The following MARS2 variants were observed in gnomAD, a reference collection of about 807,000 sequenced individuals.
The protein encoded by MARS2 is methionyl-tRNA synthetase 2, mitochondrial, also known as methionine--tRNA ligase, mitochondrial.
In MARS2, 33 loss-of-function variants were observed where a neutral mutation model predicts 43.8. The ratio of observed to expected loss-of-function variants is 0.75; its 90% CI spans 0.57 to 1.01. The LOEUF (loss-of-function observed/expected upper bound fraction) is 1.01, where lower values mean the gene tolerates loss of function less well. Among genes scored for constraint, MARS2 ranks in the 50% least tolerant of loss-of-function variants. The probability of loss-of-function intolerance (pLI) is 0.00; values close to 1 mark genes in which losing one functional copy is unlikely to be tolerated. For missense variants in MARS2, 720 were observed against 763.0 expected (o/e 0.94, Z 0.66); for synonymous variants, 351 against 325.5 (o/e 1.08, Z -0.84).
Position 197,706,072 on chromosome 2 carries a change from C to A in MARS2, c.667C>A (p.Gln223Lys). ...GCTTTCCCAGTTCCGGAAGCCACTC[C>A]AGCGGTGGCTGCGGGGCAACCCTCA... ...FRLSQFRKPL[Q>K]RWLRGNPQAI... Residue 223 changes from glutamine (Q) to lysine (K), a missense_variant, in exon 1 of 1, where the codon CAG becomes AAG. By Grantham distance (53) the Gln-to-Lys change is moderately conservative. Transcript: ENST00000282276. 6.2e-7 allele frequency: 1 copy of A among 1,614,172 alleles called. No homozygotes were observed. Among genetic ancestry groups the A allele is most frequent in the South Asian group, 1.1e-5 (1 of 91,086 alleles).
Position 197,707,021 on chromosome 2 carries a change from T to C in MARS2, c.1616T>C (p.Leu539Pro), listed in dbSNP as rs763110862. The C allele has an allele frequency of 1.9e-6, 3 of 1,614,174 alleles. No homozygotes were observed. In the Admixed American group the frequency reaches 5.0e-5, roughly 27 times the overall value. Reference protein sequence around the residue: ...PSLADKLLSRLGVSASERSLG... With the variant: ...PSLADKLLSRPGVSASERSLG... Reference sequence around the variant, plus strand: ...CTAGCTGACAAGCTGCTGTCTAGGCTGGGGGTCTCTGCCTCAGAGAGGAGT... The same window carrying C: ...CTAGCTGACAAGCTGCTGTCTAGGCCGGGGGTCTCTGCCTCAGAGAGGAGT... The change falls in exon 1 of 1, where the codon CTG becomes CCG. Residue 539 changes from leucine (L) to proline (P), a missense_variant. Physicochemically the swap from Leu to Pro is moderately conservative, Grantham distance 98. Transcript: ENST00000282276.
rs777718990 is a variant in MARS2 at position 197,705,852 on chromosome 2, C to T, written c.447C>T (p.His149=). ...CCCGGCACCGGGTGGCTGTGCAGCACTTCTGGGGGGTGCTTAAGTCCCGCG... is the reference window on the plus strand; with the variant it reads ...CCCGGCACCGGGTGGCTGTGCAGCATTTCTGGGGGGTGCTTAAGTCCCGCG... ...TEARHRVAVQ[H]FWGVLKSRGL... The change falls in exon 1 of 1, where the codon CAC becomes CAT. Residue 149 remains histidine (H), a synonymous_variant. Transcript: ENST00000282276. 4.3e-6 allele frequency: 7 copies of T among 1,614,008 alleles called. No individual in the cohort carries two copies. The highest frequency in any genetic ancestry group is 5.9e-6 in the Non-Finnish European group (7 of 1,180,046).
rs1440563643 is a variant in MARS2, at chr2:197,706,841, G to A, written c.1436G>A (p.Cys479Tyr). ...IYKALEAVSS[C>Y]VRQTNGFVQR... ...AAGGCTCTGGAGGCCGTGTCCAGCT[G>A]TGTCCGGCAAACTAATGGTTTTGTC... Residue 479 changes from cysteine to tyrosine, a missense_variant, in exon 1 of 1, where the codon TGT becomes TAT. Transcript: ENST00000282276. 6.2e-7 allele frequency: 1 copy of A among 1,614,182 alleles called. No individual in the cohort carries two copies.
At position 197,705,980 on chromosome 2, in the gene MARS2, C is replaced by T. The variant is rs2089471696; in HGVS notation, c.575C>T (p.Ser192Leu). 6.2e-7 allele frequency: 1 copy of T among 1,614,200 alleles called. No individual in the cohort carries two copies. Among genetic ancestry groups the T allele is most frequent in the Non-Finnish European group, 8.5e-7 (1 of 1,180,040 alleles). The change falls in exon 1 of 1, where the codon TCG (serine) becomes TTG (leucine). Residue 192 changes from serine to leucine, a missense_variant. By Grantham distance (145) the Ser-to-Leu change is moderately radical. Coordinates refer to ENST00000282276, the MANE Select transcript of MARS2 (RefSeq NM_138395.4). ...VTQQPGPSGD[S>L]FPVSLESGHP... Reference sequence around the variant, plus strand: ...CAGCAGCCGGGCCCATCGGGGGATTCGTTTCCTGTATCTCTCGAGAGCGGG... The same window carrying T: ...CAGCAGCCGGGCCCATCGGGGGATTTGTTTCCTGTATCTCTCGAGAGCGGG...
In MARS2 at chr2:197,706,403, A is replaced by G; in HGVS notation, c.998A>G (p.Gln333Arg). The G allele has an allele frequency of 1.9e-6, 3 of 1,614,198 alleles. No homozygotes were observed. The highest frequency in any genetic ancestry group is 2.5e-6 in the Non-Finnish European group (3 of 1,180,046). Reference protein sequence around the residue: ...FLLGAGMSPPQRICVHSHWTV... With the variant: ...FLLGAGMSPPRRICVHSHWTV... ...TTAGGGGCCGGCATGAGCCCGCCAC[A>G]GCGCATCTGTGTCCATTCCCACTGG... Residue 333 changes from glutamine to arginine, a missense_variant, in exon 1 of 1, where the codon CAG (glutamine) becomes CGG (arginine). Physicochemically the swap from Gln to Arg is conservative, Grantham distance 43. Transcript: ENST00000282276.
At position 197,705,518 on chromosome 2, in the gene MARS2, ATGATGCTTG is replaced by A. The variant is rs1392891169; in HGVS notation, c.119_127del (p.Ala40_Asp42del). 8.1e-6 allele frequency: 13 copies of A among 1,613,076 alleles called. No individual in the cohort carries two copies. Among genetic ancestry groups the A allele is most frequent in the Non-Finnish European group, 1.0e-5 (12 of 1,179,994 alleles). Reference sequence around the variant, plus strand: ...AGTTCGGGCTCCCTCAGTGCCGGCGATGATGCTTGTGATGTGCGCGCCTACTTCACTACA... The same window carrying A: ...AGTTCGGGCTCCCTCAGTGCCGGCGATGATGTGCGCGCCTACTTCACTACA... On this transcript the variant is annotated inframe_deletion, in exon 1 of 1. Transcript: ENST00000282276.
At position 197,706,041 on chromosome 2, in the gene MARS2, T is replaced by G. The variant is rs1317805722; in HGVS notation, c.636T>G (p.Ile212Met). 1 of 1,614,088 alleles carries G rather than the reference T, an allele frequency of 6.2e-7. No homozygotes were observed. The highest frequency in any genetic ancestry group is 8.5e-7 in the Non-Finnish European group (1 of 1,180,022). ...PVSWTKEENY[I>M]FRLSQFRKPL... is the part of the protein sequence containing the mutation. ...CCTGGACCAAGGAAGAAAACTACAT[T>G]TTCAGGCTTTCCCAGTTCCGGAAGC... The change falls in exon 1 of 1, where the codon ATT becomes ATG. Residue 212 changes from isoleucine to methionine, a missense_variant. Transcript: ENST00000282276.
Position 197,706,438 on chromosome 2 carries a change from G to A in MARS2, c.1033G>A (p.Gly345Ser), listed in dbSNP as rs886663921. 6 of 1,613,784 alleles carry A rather than the reference G, an allele frequency of 3.7e-6. No individual in the cohort carries two copies. In the African/African-American group the frequency reaches 6.7e-5, roughly 18 times the overall value. The change falls in exon 1 of 1, where the codon GGC becomes AGC. Residue 345 changes from glycine (G) to serine (S), a missense_variant. Physicochemically the swap from Gly to Ser is moderately conservative, Grantham distance 56. Transcript: ENST00000282276. ...TGTCCATTCCCACTGGACAGTCTGT[G>A]GCCAAAAGATGTCCAAGAGCTTGGG... is the stretch of plus-strand genomic sequence containing the variant. ...ICVHSHWTVCGQKMSKSLGNV... is the reference protein window; with the variant it reads ...ICVHSHWTVCSQKMSKSLGNV...
In MARS2 at chr2:197,706,818, G is replaced by A; in HGVS notation, c.1413G>A (p.Lys471=). ...ADHYDNFRIY[K]ALEAVSSCVR... is the part of the protein sequence containing the mutation. ...ACTATGATAACTTTCGGATATATAA[G>A]GCTCTGGAGGCCGTGTCCAGCTGTG... Residue 471 remains lysine (K), a synonymous_variant, in exon 1 of 1, where the codon AAG becomes AAA. Transcript: ENST00000282276. The A allele has an allele frequency of 6.2e-7, 1 of 1,614,144 alleles. No individual in the cohort carries two copies. The highest frequency in any genetic ancestry group is 1.1e-5 in the South Asian group (1 of 91,080).
chr2:197,705,529 G>A lies in MARS2; in HGVS notation c.124G>A (p.Asp42Asn), dbSNP rs200490327. 1,077 of 1,613,244 alleles carry A rather than the reference G, an allele frequency of 6.7e-4. 17 individuals carry two copies. The South Asian group carries it at 8.4e-3, about 13-fold the overall frequency. Residue 42 changes from aspartate (D) to asparagine (N), a missense_variant, in exon 1 of 1, where the codon GAT becomes AAT. Coordinates refer to ENST00000282276, the MANE Select transcript of MARS2 (RefSeq NM_138395.4). ...GSLSAGDDAC[D>N]VRAYFTTPIF... ...CCTCAGTGCCGGCGATGATGCTTGTGATGTGCGCGCCTACTTCACTACACC... is the reference window on the plus strand; with the variant it reads ...CCTCAGTGCCGGCGATGATGCTTGTAATGTGCGCGCCTACTTCACTACACC...
Position 197,705,723 on chromosome 2 carries a change from G to T in MARS2, c.318G>T (p.Ala106=), listed in dbSNP as rs778409892. 2 of 1,611,774 alleles carry T rather than the reference G, an allele frequency of 1.2e-6. No individual in the cohort carries two copies. Among genetic ancestry groups the T allele is most frequent in the South Asian group, 2.2e-5 (2 of 91,090 alleles). ...AGATTCAGCAGGCAGCAGCTACCGC[G>T]GGCCTGGCCCCGACCGAGCTGTGCG... is the stretch of plus-strand genomic sequence containing the variant. The part of the protein sequence containing the change: ...GLKIQQAAAT[A]GLAPTELCDR... The change falls in exon 1 of 1, where the codon GCG becomes GCT. Residue 106 remains alanine, a synonymous_variant. Transcript: ENST00000282276.
rs899495771 is a variant in MARS2, at chr2:197,707,650, G to C, written c.*463G>C. 5.4e-6 allele frequency: 1 copy of C among 184,046 alleles called. No homozygotes were observed. The highest frequency in any genetic ancestry group is 2.4e-5 in the African/African-American group (1 of 41,514). 11.4% of individuals were successfully genotyped at this position (184,046 alleles called of 1,614,324 possible). A position where few individuals can be genotyped will look rare whatever the true frequency, so the allele number is the denominator to read the frequency against. On this transcript the variant is annotated 3_prime_UTR_variant, in exon 1 of 1. Transcript: ENST00000282276. ...CATGTTGGGTTTCCTGATAAAAAGA[G>C]AGTATTTTATTAAACCCTTGAACCA...
Position 197,705,830 on chromosome 2 carries a change from G to T in MARS2, c.425G>T (p.Arg142Leu). The T allele has an allele frequency of 1.2e-6, 2 of 1,613,824 alleles. No individual in the cohort carries two copies. The highest frequency in any genetic ancestry group is 1.7e-6 in the Non-Finnish European group (2 of 1,180,048). The change falls in exon 1 of 1, where the codon CGG (arginine) becomes CTG (leucine). Residue 142 changes from arginine to leucine, a missense_variant. Physicochemically the swap from Arg to Leu is moderately radical, Grantham distance 102. Coordinates refer to ENST00000282276, the MANE Select transcript of MARS2 (RefSeq NM_138395.4). ...GATTTCATCCGCACCACGGAGGCCC[G>T]GCACCGGGTGGCTGTGCAGCACTTC... The part of the protein sequence containing the change: ...CTDFIRTTEA[R>L]HRVAVQHFWG...
rs755040375 is a variant in MARS2 at position 197,708,169 on chromosome 2, C to A, written c.*982C>A. Reference sequence around the variant, plus strand: ...ATGATTTAAAAATTTGTAAATAGTTCAAAAGGGCAATGTTTTCTTTATATT... The same window carrying A: ...ATGATTTAAAAATTTGTAAATAGTTAAAAAGGGCAATGTTTTCTTTATATT... On this transcript the variant is annotated 3_prime_UTR_variant, in exon 1 of 1. Transcript: ENST00000282276. 108 of 167,026 alleles carry A rather than the reference C, an allele frequency of 6.5e-4. No individual in the cohort carries two copies. The highest frequency in any genetic ancestry group is 1.1e-3 in the Non-Finnish European group (72 of 68,094). The allele number at this position is 167,026 out of a possible 1,614,324, so 10.3% of individuals were successfully genotyped here. A position where few individuals can be genotyped will look rare whatever the true frequency, so the allele number is the denominator to read the frequency against.
chr2:197,706,175 G>C lies in MARS2; in HGVS notation c.770G>C (p.Arg257Pro). The change falls in exon 1 of 1, where the codon CGC becomes CCC. Residue 257 changes from arginine to proline, a missense_variant. Arg to Pro is a moderately radical substitution (Grantham distance 103). Coordinates refer to ENST00000282276, the MANE Select transcript of MARS2 (RefSeq NM_138395.4). ...DEELPDLSVSRRSSHLHWGIP... is the reference protein window; with the variant it reads ...DEELPDLSVSPRSSHLHWGIP... ...GAGCTGCCCGACCTGTCCGTGTCTC[G>C]CAGAAGTAGCCACTTGCACTGGGGC... 1.2e-6 allele frequency: 2 copies of C among 1,614,164 alleles called. No individual in the cohort carries two copies. The highest frequency in any genetic ancestry group is 1.1e-5 in the South Asian group (1 of 91,088).
chr2:197,707,999 A>C lies in MARS2; in HGVS notation c.*812A>C, dbSNP rs1233911532. The C allele has an allele frequency of 1.2e-5, 2 of 167,152 alleles. No individual in the cohort carries two copies. The highest frequency in any genetic ancestry group is 4.8e-5 in the African/African-American group (2 of 41,474). 10.4% of individuals were successfully genotyped at this position (167,152 alleles called of 1,614,324 possible). On this transcript the variant is annotated 3_prime_UTR_variant, in exon 1 of 1. Coordinates refer to ENST00000282276, the MANE Select transcript of MARS2 (RefSeq NM_138395.4). The stretch of plus-strand genomic sequence containing the variant: ...TATCAGAATCCTCGTTCTTTTTCAG[A>C]CTACTGAAAAATGACATTTACTCTG...
In MARS2 at chr2:197,706,630, C is replaced by T. The variant is rs745551552; in HGVS notation, c.1225C>T (p.Arg409Ter). The T allele has an allele frequency of 1.2e-6, 2 of 1,614,226 alleles. No individual in the cohort carries two copies. Among genetic ancestry groups the T allele is most frequent in the Non-Finnish European group, 1.7e-6 (2 of 1,180,046 alleles). Residue 409 changes from arginine (R) to a stop codon, truncating the protein, a stop_gained, in exon 1 of 1, where the codon CGA becomes TGA. Coordinates refer to ENST00000282276, the MANE Select transcript of MARS2 (RefSeq NM_138395.4). LOFTEE classifies it high-confidence loss of function. Reference protein sequence around the residue: ...LADALGGLLNRCTAKRINPSE... With the variant: ...LADALGGLLN The stretch of plus-strand genomic sequence containing the variant: ...AGATGCCTTGGGAGGTCTCTTGAAC[C>T]GATGCACTGCCAAAAGAATAAATCC...
At position 197,706,774 on chromosome 2, in the gene MARS2, C is replaced by T. The variant is rs749987189; in HGVS notation, c.1369C>T (p.Pro457Ser). Residue 457 changes from proline to serine, a missense_variant, in exon 1 of 1, where the codon CCA (proline) becomes TCA (serine). Transcript: ENST00000282276. ...TCTGGTGAGCGCAGTGGCCACTTTG[C>T]CAAAGCAGGTAGCAGACCACTATGA... ...YALVSAVATL[P>S]KQVADHYDNF... 2 of 1,614,094 alleles carry T rather than the reference C, an allele frequency of 1.2e-6. No individual in the cohort carries two copies. Among genetic ancestry groups the T allele is most frequent in the East Asian group, 2.2e-5 (1 of 44,886 alleles).
Position 197,707,275 on chromosome 2 carries a change from T to C in MARS2, c.*88T>C, listed in dbSNP as rs1379112448. ...TCAGGAAAGTTATACTAGTATTTTC[T>C]TAAGTGTGGAATCAAATGAGCACAT... On this transcript the variant is annotated 3_prime_UTR_variant, in exon 1 of 1. Coordinates refer to ENST00000282276, the MANE Select transcript of MARS2 (RefSeq NM_138395.4). The C allele has an allele frequency of 1.6e-6, 2 of 1,246,418 alleles. No individual in the cohort carries two copies. The highest frequency in any genetic ancestry group is 5.0e-5 in the Admixed American group (2 of 39,750). The allele number at this position is 1,246,418 out of a possible 1,614,324, so 77.2% of individuals were successfully genotyped here.
Sources: allele counts gnomAD v4.1 joint callset, GRCh38; gene constraint gnomAD v4.1.1; transcripts MANE v1.5; gene names NCBI Gene and HGNC (gene_info 2026-07-23, HGNC 2026-07-21).